Variants in ADGRL2 observed in about 807,000 individuals in gnomAD.
The protein encoded by ADGRL2 is calcium-independent alpha-latrotoxin receptor 2.
In ADGRL2, 44 loss-of-function variants were observed where a neutral mutation model predicts 157.4. The ratio of observed to expected loss-of-function variants is 0.28; its 90% confidence interval spans 0.22 to 0.36. The LOEUF is 0.36. Among genes scored for constraint, ADGRL2 ranks in the 10% least tolerant of loss-of-function variants. ADGRL2 has a pLI of 1.00. For missense variants in ADGRL2, 1,510 were observed against 1,768.9 expected (o/e 0.85, Z 2.63); for synonymous variants, 585 against 624.7 (o/e 0.94, Z 0.95).
intron 1 of ADGRL2, among the ~76,000 whole-genome samples, chr1:81,382,899 A>G (rs887147097): frequency 2.6e-5 from 4 of 152,192 alleles, no homozygotes; most frequent in African/African-American, 9.7e-5. Context: ...GAATGTTTCT[A>G]TTTATCAAAG....
At chr1:81,570,990 A>T (rs1466703327) in intron 2 of ADGRL2, among the ~76,000 whole-genome samples, 1 of 152,264 alleles carries the variant, frequency 6.6e-6, no homozygotes, top group East Asian at 1.9e-4. Context: ...TTAAGTGAAT[A>T]GGCATGACTG....
rs1557810546 is a variant in ADGRL2, at chr1:81,868,957, CA to C, written c.73+31901del. Among the ~76,000 whole-genome samples, 3 of 152,086 alleles carry C rather than the reference CA, an allele frequency of 2.0e-5. No homozygotes were observed. In the East Asian group the frequency reaches 5.8e-4, roughly 29 times the overall value. ...ATTCATACTGCATATAAAGTATATG[CA>C]GGGGATTTGAAAGGATGTTGTGAGA... is the stretch of plus-strand genomic sequence containing the variant. On this transcript the variant is annotated intron_variant, in intron 2 of 23. Coordinates refer to ENST00000686636, the MANE Select transcript of ADGRL2 (RefSeq NM_001366006.2).
At chr1:81,622,889 T>C (rs146983683) in intron 3 of ADGRL2, among the ~76,000 whole-genome samples, 22 of 152,226 alleles carry the variant, frequency 1.4e-4, no homozygotes, top group Non-Finnish European at 2.6e-4. Context: ...ACATATATGA[T>C]TTAATTCATT....
chr1:81,836,499 A>G (rs2092289381), intron 1 of ADGRL2, among the ~76,000 whole-genome samples: 2 of 152,122 alleles, frequency 1.3e-5, no homozygotes, highest in Non-Finnish European at 2.9e-5. Context: ...GCCGAGAAAT[A>G]CTAAGTCATA....
intron 3 of ADGRL2, among the ~76,000 whole-genome samples, chr1:81,663,190 ATAACCAG>A (rs948653586): frequency 3.0e-4 from 46 of 152,026 alleles, no homozygotes; most frequent in African/African-American, 1.0e-3. Flanking sequence ...CTCTCATCAA[ATAACCAG>A]TAAAGATCAA....
chr1:81,936,909 G>T, intron 4 of ADGRL2, 72 bp downstream of exon 4: 1 of 913,302 alleles, frequency 1.1e-6, no homozygotes. Context: ...CTACACATGT[G>T]AAAGAAGCAT....
intron 3 of ADGRL2, among the ~76,000 whole-genome samples, chr1:81,660,070 C>CA (rs2082621175): frequency 6.6e-6 from 1 of 152,096 alleles, no homozygotes; most frequent in African/African-American, 2.4e-5. Context: ...GCCATGTTTT[C>CA]TTCCCTTCAA....
intron 2 of ADGRL2, chr1:81,445,222 A>G (rs2077577424): frequency 1.3e-5 from 2 of 152,256 alleles, no homozygotes; most frequent in Admixed American, 1.3e-4. Flanking sequence ...TATTAAATGT[A>G]GAAGATAAAA....
intron 1 of ADGRL2, among the ~76,000 whole-genome samples, chr1:81,717,922 T>TTACATGTCA (rs1243355177): frequency 1.3e-5 from 2 of 152,240 alleles, no homozygotes; most frequent in Non-Finnish European, 2.9e-5. Flanking sequence ...ACTTTTACCC[T>TTACATGTCA]TACATGTCAT....
chr1:81,832,338 T>A (rs185111888), intron 1 of ADGRL2, among the ~76,000 whole-genome samples: 51 of 152,186 alleles, frequency 3.4e-4, no homozygotes, highest in Admixed American at 1.8e-3. Context: ...AGAGACGGGG[T>A]TTCACCATGT....
At chr1:81,976,270 C>T (rs1660167380) in intron 17 of ADGRL2, among the ~76,000 whole-genome samples, 1 of 151,920 alleles carries the variant, frequency 6.6e-6, no homozygotes, top group African/African-American at 2.4e-5. Context: ...CGATTTATGT[C>T]ATATGCTTTA....
At chr1:81,474,059 T>C (rs2101883050) in intron 2 of ADGRL2, among the ~76,000 whole-genome samples, 1 of 152,292 alleles carries the variant, frequency 6.6e-6, no homozygotes, top group Admixed American at 6.5e-5. Flanking sequence ...AGAGAGCTCT[T>C]TCCCTCTCCC....
chr1:81,910,271 T>TAATAATAAC (rs772743285), intron 3 of ADGRL2, among the ~76,000 whole-genome samples: 45 of 149,802 alleles, frequency 3.0e-4, no homozygotes, highest in Non-Finnish European at 5.3e-4. Context: ...ATAATAATAA[T>TAATAATAAC]AATACTACAA....
At chr1:81,952,552 A>T (rs374814272) in intron 9 of ADGRL2, among the ~76,000 whole-genome samples, 1 of 152,156 alleles carries the variant, frequency 6.6e-6, no homozygotes, top group Admixed American at 6.6e-5. Flanking sequence ...ATTTCTTTCA[A>T]TGGCAGCTTT....
intron 3 of ADGRL2, among the ~76,000 whole-genome samples, chr1:81,661,530 C>T (rs565755973): frequency 3.9e-5 from 6 of 152,232 alleles, no homozygotes; most frequent in African/African-American, 9.6e-5. Context: ...TTTGAATCAA[C>T]GACATGCTTT....
intron 1 of ADGRL2, among the ~76,000 whole-genome samples, chr1:81,802,177 C>G (rs1005916470): frequency 1.1e-4 from 17 of 151,824 alleles, no homozygotes; most frequent in African/African-American, 3.6e-4. Flanking sequence ...CGCCTGTCCC[C>G]GCGCGGCCCC....
chr1:81,402,798 C>T (rs1004104137), intron 1 of ADGRL2, among the ~76,000 whole-genome samples: 14 of 152,304 alleles, frequency 9.2e-5, no homozygotes, highest in African/African-American at 2.6e-4. Context: ...TGCATGTGCA[C>T]CAGTCTTTAT....
At chr1:81,804,852 A>C (rs908180935) in intron 1 of ADGRL2, among the ~76,000 whole-genome samples, 3 of 152,230 alleles carry the variant, frequency 2.0e-5, no homozygotes, top group African/African-American at 7.2e-5. Flanking sequence ...AAAACAATAG[A>C]AATTTTGTGA....
intron 1 of ADGRL2, among the ~76,000 whole-genome samples, chr1:81,421,683 A>G (rs187979992): frequency 1.3e-5 from 2 of 148,172 alleles, no homozygotes; most frequent in Non-Finnish European, 3.0e-5. Context: ...ACCACACAAC[A>G]TCTCAACTAA....
Sources: allele counts gnomAD v4.1 joint callset (sites outside exome capture counted in the v4.1 genomes callset), GRCh38; gene constraint gnomAD v4.1.1; transcripts MANE v1.5; gene names NCBI Gene and HGNC (gene_info 2026-07-23, HGNC 2026-07-21).